Variants in SLC4A4 observed in about 807,000 individuals in gnomAD.
SLC4A4 encodes the protein solute carrier family 4 member 4.
Under a neutral mutation model 111.5 loss-of-function variants are expected in SLC4A4, and 27 were observed. That is an observed-to-expected ratio of 0.24 (90% CI 0.18 to 0.33). The LOEUF is 0.33. SLC4A4 is among the 10% of genes least tolerant of loss of function. SLC4A4 has a pLI of 1.00. For synonymous variants in SLC4A4, 443 were observed against 463.4 expected (o/e 0.96, Z 0.57); for missense variants, 909 against 1,315.5 (o/e 0.69, Z 4.78).
intron 4 of SLC4A4, among the ~76,000 whole-genome samples, chr4:71,344,975 A>G (rs568125009): frequency 1.3e-5 from 2 of 152,270 alleles, no homozygotes; most frequent in African/African-American, 4.8e-5. Flanking sequence ...TAGTTATACT[A>G]TGAACAAGAT....
chr4:71,324,073 G>A (rs183886842), intron 3 of SLC4A4, among the ~76,000 whole-genome samples: 44 of 152,050 alleles, frequency 2.9e-4, no homozygotes, highest in Admixed American at 2.5e-3. Flanking sequence ...TGGGGACCCA[G>A]CAAATTCTTG....
At chr4:71,189,853 A>G (rs371157327) in intron 1 of SLC4A4, among the ~76,000 whole-genome samples, 1 of 152,218 alleles carries the variant, frequency 6.6e-6, no homozygotes, top group East Asian at 1.9e-4. Context: ...GAGTTGATAG[A>G]TAAGATTGGG....
At chr4:71,290,915 G>T (rs1246331904) in intron 3 of SLC4A4, among the ~76,000 whole-genome samples, 1 of 152,184 alleles carries the variant, frequency 6.6e-6, no homozygotes, top group Non-Finnish European at 1.5e-5. Flanking sequence ...TTAGCTTGGA[G>T]TATTTGTCAG....
intron 7 of SLC4A4, among the ~76,000 whole-genome samples, chr4:71,439,595 T>C (rs1441268808): frequency 6.6e-6 from 1 of 151,902 alleles, no homozygotes; most frequent in Non-Finnish European, 1.5e-5. Flanking sequence ...AGCTGTTTCT[T>C]CACCTGGCTA....
chr4:71,090,506 T>C (rs1257218699), intron 1 of SLC4A4, among the ~76,000 whole-genome samples: 2 of 152,196 alleles, frequency 1.3e-5, no homozygotes, highest in Non-Finnish European at 2.9e-5. Flanking sequence ...GTAACAGTTT[T>C]TATTAAGAAA....
chr4:71,380,858 C>T (rs982798366), intron 6 of SLC4A4, among the ~76,000 whole-genome samples: 32 of 152,128 alleles, frequency 2.1e-4, no homozygotes, highest in African/African-American at 7.7e-4. Flanking sequence ...AGATGCTGCT[C>T]TTGTCTGCTC....
intron 20 of SLC4A4, among the ~76,000 whole-genome samples, chr4:71,551,075 T>TA (rs996235806): frequency 3.3e-5 from 5 of 151,802 alleles, no homozygotes; most frequent in Non-Finnish European, 7.4e-5. Context: ...TACTGCCTGG[T>TA]AAGTGAGTAT....
chr4:71,239,309 A>G (rs1720025873), intron 2 of SLC4A4, among the ~76,000 whole-genome samples: 1 of 152,148 alleles, frequency 6.6e-6, no homozygotes, highest in Admixed American at 6.6e-5. Context: ...AATAAGATGT[A>G]CTCCCAATAA....
intron 12 of SLC4A4, among the ~76,000 whole-genome samples, chr4:71,461,024 A>G (rs1726771574): frequency 6.6e-6 from 1 of 152,066 alleles, no homozygotes; most frequent in African/African-American, 2.4e-5. Context: ...TTCTGCTCTG[A>G]CTGCTTATTT....
intron 3 of SLC4A4, among the ~76,000 whole-genome samples, chr4:71,292,791 C>T (rs1219688640): frequency 1.3e-5 from 2 of 148,918 alleles, no homozygotes; most frequent in Admixed American, 1.3e-4. Context: ...TGTAAATCAT[C>T]GAATAGTTAT....
chr4:71,224,508 T>G (rs1431952523), intron 1 of SLC4A4, among the ~76,000 whole-genome samples: 1 of 152,226 alleles, frequency 6.6e-6, no homozygotes, highest in African/African-American at 2.4e-5. Context: ...TCTCTGTATT[T>G]CAGATATGAT....
At chr4:71,457,960 A>G (rs367628683) in intron 12 of SLC4A4, among the ~76,000 whole-genome samples, 4 of 152,166 alleles carry the variant, frequency 2.6e-5, no homozygotes, top group African/African-American at 9.6e-5. Flanking sequence ...AATACGTTAT[A>G]CTATATTTTA....
intron 2 of SLC4A4, among the ~76,000 whole-genome samples, chr4:71,246,060 A>G (rs893875894): frequency 6.6e-6 from 1 of 152,182 alleles, no homozygotes; most frequent in African/African-American, 2.4e-5. Flanking sequence ...TTAGTTGGGA[A>G]TAAGAGTGCC....
chr4:71,164,625 T>C (rs1236805810), intron 2 of SLC4A4, among the ~76,000 whole-genome samples: 1 of 152,016 alleles, frequency 6.6e-6, no homozygotes, highest in African/African-American at 2.4e-5. Context: ...GGCAATACCA[T>C]TCAGGACATA....
At chr4:71,242,821 G>T (rs1231418236) in intron 2 of SLC4A4, among the ~76,000 whole-genome samples, 2 of 151,644 alleles carry the variant, frequency 1.3e-5, no homozygotes, top group East Asian at 3.9e-4. Context: ...TGTAAATATT[G>T]TTTACTTGCT....
At chr4:71,533,082 T>C (rs945233234) in intron 17 of SLC4A4, among the ~76,000 whole-genome samples, 1 of 152,106 alleles carries the variant, frequency 6.6e-6, no homozygotes, top group African/African-American at 2.4e-5. Flanking sequence ...AGATCATATA[T>C]TTGCTAAGAA....
chr4:71,103,542 G>A (rs1268375644), intron 2 of SLC4A4, among the ~76,000 whole-genome samples: 4 of 152,108 alleles, frequency 2.6e-5, no homozygotes, highest in African/African-American at 7.2e-5. Context: ...CTCAGCAAAT[G>A]TAAAAGAACA....
At chr4:71,174,374 C>T (rs1481588989) in intron 2 of SLC4A4, among the ~76,000 whole-genome samples, 1 of 151,906 alleles carries the variant, frequency 6.6e-6, no homozygotes, top group Non-Finnish European at 1.5e-5. Context: ...CTCAGCCTCC[C>T]AAGTAGCTGG....
intron 15 of SLC4A4, among the ~76,000 whole-genome samples, chr4:71,497,253 T>C (rs938297706): frequency 6.6e-6 from 1 of 152,120 alleles, no homozygotes; most frequent in African/African-American, 2.4e-5. Flanking sequence ...AAGTGGGCGA[T>C]TTTAAGGCTG....
Sources: gnomAD v4.1 joint callset for allele counts (sites outside exome capture counted in the v4.1 genomes callset) on GRCh38, gnomAD v4.1.1 for gene constraint, MANE v1.5 for transcripts, NCBI Gene and HGNC (gene_info 2026-07-23, HGNC 2026-07-21) for gene names.